Variants in PLEKHH3 observed in about 807,000 individuals in gnomAD.
PLEKHH3 encodes the protein pleckstrin homology, MyTH4 and FERM domain containing H3.
PLEKHH3 carries 57 observed loss-of-function variants against 77.8 expected under a neutral mutation model. The ratio of observed to expected loss-of-function variants is 0.73; its 90% CI spans 0.59 to 0.91. PLEKHH3 has a LOEUF of 0.91. Among genes scored for constraint, PLEKHH3 ranks in the 40% least tolerant of loss-of-function variants. The pLI, the probability that PLEKHH3 is intolerant of heterozygous loss-of-function variation, is 0.00. For synonymous variants in PLEKHH3, 467 were observed against 504.8 expected, an observed-to-expected ratio of 0.93 and a Z score of 1.00; for missense variants, 1,082 against 1,091.2, an observed-to-expected ratio of 0.99 and a Z score of 0.12.
chr17:42,670,774 G>A, intron 9 of PLEKHH3, 69 bp from the exon 10 acceptor site: 1 of 1,557,376 alleles, frequency 6.4e-7, no homozygotes, highest in Non-Finnish European at 8.7e-7. Flanking sequence ...GCTTGGGGTG[G>A]GGGCGGGGCC....
chr17:42,669,846 G>A, intron 11 of PLEKHH3, 72 bp downstream of exon 11: 2 of 1,583,502 alleles, frequency 1.3e-6, no homozygotes, highest in Non-Finnish European at 1.7e-6. Context: ...GACACTCCGT[G>A]GGACCTGTGG....
In PLEKHH3 at chr17:42,676,064, T is replaced by C; in HGVS notation, c.162+338A>G. ...AGCCGCCCAGCCGGCCTCGCCACAT[T>C]CCTCGGCGCTGGCGGAGGCGGAAGG... On this transcript the variant is annotated intron_variant, in intron 1 of 12. Coordinates refer to ENST00000591022, the MANE Select transcript of PLEKHH3 (RefSeq NM_024927.5). This position sits in a 1 kb window ranked among gnomAD's most constrained non-coding sequence, Gnocchi z 6.6. 2.6e-6 allele frequency: 3 copies of C among 1,168,874 alleles called. No homozygotes were observed. The highest frequency in any genetic ancestry group is 3.2e-6 in the Non-Finnish European group (3 of 944,850). 72.4% of individuals were successfully genotyped at this position (1,168,874 alleles called of 1,614,324 possible).
In PLEKHH3 at chr17:42,676,632, C is replaced by A; in HGVS notation, c.-69G>T. 2.8e-6 allele frequency: 4 copies of A among 1,449,750 alleles called. No homozygotes were observed. In the South Asian group the frequency reaches 4.9e-5, roughly 18 times the overall value. The allele number at this position is 1,449,750 out of a possible 1,614,324, so 89.8% of individuals were successfully genotyped here. ...AGCAGTAGGGGGTCGGAGGAACTGG[C>A]GGGGCTCCGACCCGAGCAGGGGAAA... On this transcript the variant is annotated 5_prime_UTR_variant, in exon 1 of 13. Coordinates refer to ENST00000591022, the MANE Select transcript of PLEKHH3 (RefSeq NM_024927.5). The surrounding 1 kb of genome is among the most constrained non-coding windows in gnomAD (Gnocchi z 6.6).
intron 2 of PLEKHH3, 142 bp from the exon 3 acceptor site, chr17:42,674,155 C>T (rs956942689): frequency 4.3e-5 from 48 of 1,108,476 alleles, no homozygotes; most frequent in Non-Finnish European, 6.1e-5. Context: ...GCCATTCTGA[C>T]CTCGAACCAG....
Position 42,673,771 on chromosome 17 carries a change from C to T in PLEKHH3, c.362G>A (p.Trp121Ter). The T allele has an allele frequency of 1.3e-6, 2 of 1,596,020 alleles. No individual in the cohort carries two copies. The highest frequency in any genetic ancestry group is 1.7e-6 in the Non-Finnish European group (2 of 1,177,542). ...CAGGGAGTCCCGCGTGAGCACAAAC[C>T]AGGCTCGGCGCGGGGGCAGCCAGGG... ...ARPWLPPRRA[W>*]FVLTRDSLDQ... The change falls in exon 4 of 13, where the codon TGG becomes TAG. Residue 121 changes from tryptophan (W) to a stop codon, truncating the protein, a stop_gained. Coordinates refer to ENST00000591022, the MANE Select transcript of PLEKHH3 (RefSeq NM_024927.5). LOFTEE classifies it high-confidence loss of function.
chr17:42,668,267 C>T lies in PLEKHH3; in HGVS notation c.2242G>A (p.Ala748Thr), dbSNP rs745681741. 4.5e-6 allele frequency: 7 copies of T among 1,557,466 alleles called. No individual in the cohort carries two copies. In the East Asian group the frequency reaches 1.2e-4, roughly 28 times the overall value. ...EIMQLVNAYLANPSPERPCSS... is the reference protein window; with the variant it reads ...EIMQLVNAYLTNPSPERPCSS... Reference sequence around the variant, plus strand: ...CAGGGCCTCTCGGGGGAGGGGTTGGCCAAGTAGGCATTCACCAGCTGCATG... The same window carrying T: ...CAGGGCCTCTCGGGGGAGGGGTTGGTCAAGTAGGCATTCACCAGCTGCATG... Residue 748 changes from alanine (A) to threonine (T), a missense_variant, in exon 13 of 13, where the codon GCC (alanine) becomes ACC (threonine). By Grantham distance (58) the Ala-to-Thr change is moderately conservative. Coordinates refer to ENST00000591022, the MANE Select transcript of PLEKHH3 (RefSeq NM_024927.5).
At chr17:42,668,343 A>G in intron 12 of PLEKHH3, 40 bp from the exon 13 acceptor site, 1 of 1,464,872 alleles carries the variant, frequency 6.8e-7, no homozygotes, top group Non-Finnish European at 9.0e-7. Context: ...AGGGGCTGCC[A>G]GGTTCTCTTC....
Position 42,669,518 on chromosome 17 carries a change from T to C in PLEKHH3, c.2117A>G (p.Tyr706Cys). The C allele has an allele frequency of 6.2e-7, 1 of 1,610,758 alleles. No homozygotes were observed. The highest frequency in any genetic ancestry group is 1.1e-5 in the South Asian group (1 of 90,916). Residue 706 changes from tyrosine (Y) to cysteine (C), a missense_variant, in exon 12 of 13, where the codon TAT (tyrosine) becomes TGT (cysteine). Tyr to Cys is a radical substitution (Grantham distance 194). Coordinates refer to ENST00000591022, the MANE Select transcript of PLEKHH3 (RefSeq NM_024927.5). ...GETEPIHSVS[Y>C]GHVAACQLMG... is the part of the protein sequence containing the mutation. Reference sequence around the variant, plus strand: ...TAGCTGGCAGGCGGCCACATGGCCATAGCTGACACTGTGGATGGGCTCCGT... The same window carrying C: ...TAGCTGGCAGGCGGCCACATGGCCACAGCTGACACTGTGGATGGGCTCCGT...
intron 3 of PLEKHH3, 29 bp from the exon 4 acceptor site, chr17:42,673,863 A>G: frequency 6.2e-7 from 1 of 1,607,882 alleles, no homozygotes; most frequent in Non-Finnish European, 8.5e-7. Flanking sequence ...GGGAAGGGAC[A>G]TCAGTAGAGA....
intron 12 of PLEKHH3, 69 bp from the exon 13 acceptor site, chr17:42,668,372 C>T: frequency 7.2e-7 from 1 of 1,385,978 alleles, no homozygotes; most frequent in Non-Finnish European, 9.4e-7. Context: ...ATCCTTTCTC[C>T]AGGCTCTAGG....
At position 42,673,545 on chromosome 17, in the gene PLEKHH3, C is replaced by A; in HGVS notation, c.502G>T (p.Val168Leu). Residue 168 changes from valine to leucine, a missense_variant, in exon 5 of 13, where the codon GTG becomes TTG. By Grantham distance (32) the Val-to-Leu change is conservative. Coordinates refer to ENST00000591022, the MANE Select transcript of PLEKHH3 (RefSeq NM_024927.5). The stretch of plus-strand genomic sequence containing the variant: ...CTGTGTTTCCGACCAGACACAGTCA[C>A]TGACCACAGACCTGGGGAAAAGAGA... ...RRRKETGLWS[V>L]TVSGRKHSVR... The A allele has an allele frequency of 6.3e-7, 1 of 1,593,628 alleles. No individual in the cohort carries two copies. Among genetic ancestry groups the A allele is most frequent in the Non-Finnish European group, 8.5e-7 (1 of 1,172,024 alleles).
In PLEKHH3 at chr17:42,673,169, C is replaced by CTG. The variant is rs2052738969; in HGVS notation, c.769+6_769+7insCA. The CTG allele has an allele frequency of 2.6e-6, 4 of 1,510,262 alleles. No homozygotes were observed. The African/African-American group carries it at 4.2e-5, about 16-fold the overall frequency. The allele number at this position is 1,510,262 out of a possible 1,614,324, so 93.6% of individuals were successfully genotyped here. ...ATCCAGGGGACTTGGGCCATGGGAC[C>CTG]ACTCACCTGGGGCGCTGACTCCATA... is the stretch of plus-strand genomic sequence containing the variant. On this transcript the variant is annotated splice_region_variant and intron_variant, in intron 6 of 12. Transcript: ENST00000591022.
At position 42,676,613 on chromosome 17, in the gene PLEKHH3, A is replaced by AG. The variant is rs2052834196; in HGVS notation, c.-51dup. 1 of 1,521,328 alleles carries AG rather than the reference A, an allele frequency of 6.6e-7. No homozygotes were observed. Among genetic ancestry groups the AG allele is most frequent in the Admixed American group, 2.0e-5 (1 of 50,656 alleles). The allele number at this position is 1,521,328 out of a possible 1,614,324, so 94.2% of individuals were successfully genotyped here. Reference sequence around the variant, plus strand: ...GCGCGGGCAGCCGCGGCCGAGCAGTAGGGGGTCGGAGGAACTGGCGGGGCT... The same window carrying AG: ...GCGCGGGCAGCCGCGGCCGAGCAGTAGGGGGGTCGGAGGAACTGGCGGGGCT... On this transcript the variant is annotated 5_prime_UTR_variant, in exon 1 of 13. Coordinates refer to ENST00000591022, the MANE Select transcript of PLEKHH3 (RefSeq NM_024927.5). This position sits in a 1 kb window ranked among gnomAD's most constrained non-coding sequence, Gnocchi z 6.6.
chr17:42,672,298 C>G lies in PLEKHH3; in HGVS notation c.864G>C (p.Gln288His). ...AGTCCCGGCAGGTTTGGAGCACACCCTGCATCAAGGGCCCGGGGCGCCGCG... is the reference window on the plus strand; with the variant it reads ...AGTCCCGGCAGGTTTGGAGCACACCGTGCATCAAGGGCCCGGGGCGCCGCG... ...EGARRPGPLM[Q>H]GVLQTCRDLP... Residue 288 changes from glutamine (Q) to histidine (H), a missense_variant, in exon 7 of 13, where the codon CAG becomes CAC. This residue lies in a region of PLEKHH3 where 733 missense variants were observed against 750.0 expected (regional missense o/e 0.98). Coordinates refer to ENST00000591022, the MANE Select transcript of PLEKHH3 (RefSeq NM_024927.5). The G allele has an allele frequency of 6.5e-7, 1 of 1,549,964 alleles. No individual in the cohort carries two copies. Among genetic ancestry groups the G allele is most frequent in the South Asian group, 1.2e-5 (1 of 84,054 alleles).
Position 42,676,118 on chromosome 17 carries a change from G to A in PLEKHH3, c.162+284C>T. ...CGGGATGGGACGCGGGCCCAGCGGG[G>A]AAGGGAGAGGCAGGGCCAGGTCGGG... is the stretch of plus-strand genomic sequence containing the variant. On this transcript the variant is annotated intron_variant, in intron 1 of 12. Coordinates refer to ENST00000591022, the MANE Select transcript of PLEKHH3 (RefSeq NM_024927.5). The surrounding 1 kb of genome is among the most constrained non-coding windows in gnomAD (Gnocchi z 6.6). 7.8e-7 allele frequency: 1 copy of A among 1,288,568 alleles called. No individual in the cohort carries two copies. The highest frequency in any genetic ancestry group is 9.8e-7 in the Non-Finnish European group (1 of 1,017,980). 79.8% of individuals were successfully genotyped at this position (1,288,568 alleles called of 1,614,324 possible). A position where few individuals can be genotyped will look rare whatever the true frequency, so the allele number is the denominator to read the frequency against.
At chr17:42,675,815 G>T (rs1448341463) in intron 1 of PLEKHH3, 1 of 950,000 alleles carries the variant, frequency 1.1e-6, no homozygotes, top group Admixed American at 6.1e-5. Context: ...TCCCCTCAGG[G>T]GTTTCCCAGG....
At chr17:42,668,332 CAG>C (rs1361469742) in intron 12 of PLEKHH3, 29 bp from the exon 13 acceptor site, 1 of 1,477,634 alleles carries the variant, frequency 6.8e-7, no homozygotes, top group Non-Finnish European at 8.9e-7. Flanking sequence ...CAGTGTGCAA[CAG>C]GGGCTGCCAG....
Position 42,673,677 on chromosome 17 carries a change from C to G in PLEKHH3, c.456G>C (p.Ser152=), listed in dbSNP as rs376307002. 4.1e-5 allele frequency: 65 copies of G among 1,602,382 alleles called. No homozygotes were observed. The highest frequency in any genetic ancestry group is 5.1e-5 in the Non-Finnish European group (60 of 1,179,904). The change falls in exon 4 of 13, where the codon TCG becomes TCC. Residue 152 remains serine, a synonymous_variant. Transcript: ENST00000591022. ...TACGCCTGCGCTCTGGGCCGGTCAC[C>G]GAGCACAGGCTGGTGAGCACGAGGC... ...LGSLVLTSLC[S]VTGPERRRKE...
In PLEKHH3 at chr17:42,671,498, C is replaced by A. The variant is rs1350372589; in HGVS notation, c.1137G>T (p.Ala379=). The change falls in exon 8 of 13, where the codon GCG becomes GCT. Residue 379 remains alanine (A), a synonymous_variant. Coordinates refer to ENST00000591022, the MANE Select transcript of PLEKHH3 (RefSeq NM_024927.5). This position sits in a 1 kb window ranked among gnomAD's most constrained non-coding sequence, Gnocchi z 4.7. The stretch of plus-strand genomic sequence containing the variant: ...GCTCTCTGCCGCGCGTCCGGCCCAG[C>A]GCTTTCCGGATGAAGCGCGCATATT... ...LAEYARFIRK[A]LGRTRGRELV... The A allele has an allele frequency of 1.2e-6, 2 of 1,612,968 alleles. No homozygotes were observed. Among genetic ancestry groups the A allele is most frequent in the East Asian group, 2.2e-5 (1 of 44,878 alleles).
Sources: allele counts gnomAD v4.1 joint callset, GRCh38; gene constraint gnomAD v4.1.1; regional missense constraint gnomAD v4.1.1; non-coding constraint Gnocchi (gnomAD v3.1); transcripts MANE v1.5; gene names NCBI Gene and HGNC (gene_info 2026-07-23, HGNC 2026-07-21).